HUWE1: variants seen among roughly 807,000 people sequenced by gnomAD.
HUWE1 encodes E3 ubiquitin-protein ligase HUWE1.
A neutral mutation model predicts 299.4 loss-of-function variants in HUWE1; 18 were observed. The ratio of observed to expected loss-of-function variants is 0.06; its 90% CI spans 0.04 to 0.09. The LOEUF (loss-of-function observed/expected upper bound fraction) is 0.09. Ranked by LOEUF, HUWE1 falls within the 10% of genes least tolerant of loss-of-function variation. The pLI, the probability that HUWE1 is intolerant of heterozygous loss-of-function variation, is 1.00. For missense variants in HUWE1, 1,832 were observed against 3,462.3 expected (o/e 0.53, Z 11.82); for synonymous variants, 1,317 against 1,286.1 (o/e 1.02, Z -0.51).
At chrX:53,577,728 T>G (rs868913241) in intron 43 of HUWE1, among the ~76,000 whole-genome samples, 1 of 114,619 alleles carries the variant, frequency 8.7e-6, no homozygotes. Context: ...TTTGCTGTGT[T>G]GGCCGGGCTG....
At chrX:53,585,210 T>C in intron 39 of HUWE1, 22 bp from the exon 40 acceptor site, 1 of 1,190,974 alleles carries the variant, frequency 8.4e-7, no homozygotes, top group Non-Finnish European at 1.1e-6. Flanking sequence ...AGTACAAAGT[T>C]TCTTTGTATT....
intron 7 of HUWE1, among the ~76,000 whole-genome samples, chrX:53,636,921 T>C (rs979500467): frequency 8.9e-6 from 1 of 112,429 alleles, no homozygotes; most frequent in East Asian, 2.8e-4. Context: ...CATACTGTAA[T>C]GGAATCAATT....
At chrX:53,647,343 G>A (rs781944419) in intron 6 of HUWE1, 25 bp downstream of exon 6, 2 of 1,083,054 alleles carry the variant, frequency 1.8e-6, no homozygotes, top group Non-Finnish European at 2.6e-6. Flanking sequence ...CAAGAACAGG[G>A]TACACAGGCT....
In HUWE1 at chrX:53,535,178, G is replaced by T. The variant is rs782697811; in HGVS notation, c.12649+206C>A. Among the ~76,000 whole-genome samples the T allele has an allele frequency of 1.6e-4, 18 of 111,082 alleles. No homozygotes were observed. In the East Asian group the frequency reaches 4.9e-3, roughly 30 times the overall value. On this transcript the variant is annotated intron_variant, in intron 81 of 83. Coordinates refer to ENST00000262854, the MANE Select transcript of HUWE1 (RefSeq NM_031407.7). Reference sequence around the variant, plus strand: ...TCAAACTCCTCACCTCAACTGATCCGCCCACCTTGGCCTCCCAAAGTGCTG... The same window carrying T: ...TCAAACTCCTCACCTCAACTGATCCTCCCACCTTGGCCTCCCAAAGTGCTG...
At chrX:53,639,031 G>A (rs1157595800) in intron 7 of HUWE1, among the ~76,000 whole-genome samples, 1 of 112,162 alleles carries the variant, frequency 8.9e-6, no homozygotes, top group Non-Finnish European at 1.9e-5. Context: ...TAAAAGCATT[G>A]ACTGAACCAT....
intron 70 of HUWE1, among the ~76,000 whole-genome samples, chrX:53,546,072 G>A (rs868983389): frequency 8.9e-6 from 1 of 112,018 alleles, no homozygotes; most frequent in African/African-American, 3.2e-5. Flanking sequence ...ATGCAGTGTA[G>A]GGACATACTT....
intron 62 of HUWE1, 67 bp downstream of exon 62, chrX:53,552,571 G>A (rs2061810914): frequency 1.7e-6 from 2 of 1,204,320 alleles, no homozygotes; most frequent in African/African-American, 3.5e-5. Context: ...ATTAGTTGAC[G>A]AGTATGAAAT....
intron 7 of HUWE1, among the ~76,000 whole-genome samples, chrX:53,640,284 T>C (rs1327055390): frequency 1.8e-5 from 2 of 111,508 alleles, no homozygotes; most frequent in Admixed American, 9.5e-5. Context: ...CAATTGAGCC[T>C]GGGAAGCGGA....
intron 49 of HUWE1, among the ~76,000 whole-genome samples, chrX:53,565,641 T>C (rs1448495258): frequency 9.1e-6 from 1 of 109,788 alleles, no homozygotes; most frequent in Non-Finnish European, 1.9e-5. Flanking sequence ...TTTTCCTTTT[T>C]TTTTTTTGGA....
intron 49 of HUWE1, among the ~76,000 whole-genome samples, chrX:53,566,789 AC>A (rs2062598113): frequency 9.0e-6 from 1 of 111,507 alleles, no homozygotes; most frequent in African/African-American, 3.3e-5. Flanking sequence ...GGCAAATATC[AC>A]CCATGTAGTA....
rs782482853 is a variant in HUWE1 at position 53,661,367 on chromosome X, A to T, written c.-24-7236T>A. Among the ~76,000 whole-genome samples, 78 of 111,770 alleles carry T rather than the reference A, an allele frequency of 7.0e-4. No homozygotes were observed. The South Asian group carries it at 0.027, about 39-fold the overall frequency. On this transcript the variant is annotated intron_variant, in intron 3 of 83. Coordinates refer to ENST00000262854, the MANE Select transcript of HUWE1 (RefSeq NM_031407.7). ...TTTTAAAACCAGTTTTATTACTACA[A>T]AATATTGGCAGATAAGAATAAAAAT...
At position 53,554,674 on chromosome X, in the gene HUWE1, G is replaced by A; in HGVS notation, c.8453C>T (p.Ala2818Val). 1 of 1,211,077 alleles carries A rather than the reference G, an allele frequency of 8.3e-7. No homozygotes were observed. Residue 2818 changes from alanine (A) to valine (V), a missense_variant, in exon 61 of 84, where the codon GCA becomes GTA. By Grantham distance (64) the Ala-to-Val change is moderately conservative. Transcript: ENST00000262854. ...ELGPTRPSGEAETTQMELSPA... is the reference protein window; with the variant it reads ...ELGPTRPSGEVETTQMELSPA... ...GGATAACTCCATCTGAGTTGTTTCT[G>A]CTTCCCCACTTGGCCTTGTGGGACC...
At chrX:53,557,127 G>A (rs1217782625) in intron 60 of HUWE1, 1 of 482,031 alleles carries the variant, frequency 2.1e-6, no homozygotes, top group Non-Finnish European at 3.8e-6. Context: ...ACCCATGCCA[G>A]AACAAAGTAG....
intron 48 of HUWE1, 150 bp from the exon 49 acceptor site, chrX:53,569,024 A>T: frequency 2.1e-6 from 1 of 486,776 alleles, no homozygotes; most frequent in Non-Finnish European, 3.6e-6. Flanking sequence ...CACACTCCCT[A>T]AGGTGATAGC....
chrX:53,623,448 TG>T (rs782065475), intron 19 of HUWE1, among the ~76,000 whole-genome samples: 26 of 112,143 alleles, frequency 2.3e-4, no homozygotes, highest in Non-Finnish European at 4.5e-4. Context: ...TTCCATAGCA[TG>T]GTAGAGTTGC....
chrX:53,537,769 A>G (rs2061129996), intron 77 of HUWE1, 73 bp from the exon 78 acceptor site: 3 of 1,026,495 alleles, frequency 2.9e-6, no homozygotes, highest in East Asian at 6.3e-5. Context: ...ATTAGGAAGA[A>G]GACCCACAAT....
intron 4 of HUWE1, among the ~76,000 whole-genome samples, chrX:53,653,285 CAGATA>C (rs2068578432): frequency 8.9e-6 from 1 of 112,178 alleles, no homozygotes; most frequent in Non-Finnish European, 1.9e-5. Context: ...ACTTATGTGC[CAGATA>C]CTATGCTAAG....
At chrX:53,657,295 C>T (rs2068792213) in intron 3 of HUWE1, among the ~76,000 whole-genome samples, 1 of 112,087 alleles carries the variant, frequency 8.9e-6, no homozygotes, top group Non-Finnish European at 1.9e-5. Context: ...CAAAAAAGGC[C>T]AGGCGCAGTG....
Position 53,589,544 on chromosome X carries a change from C to T in HUWE1, c.4461+3G>A, listed in dbSNP as rs2064043801. ...CCCCTCTTCTGACCCCTTGAGAGCT[C>T]ACCTGATTGACTACTTGCTTCAGAA... is the stretch of plus-strand genomic sequence containing the variant. On this transcript the variant is annotated splice_donor_region_variant and intron_variant, in intron 36 of 83. Coordinates refer to ENST00000262854, the MANE Select transcript of HUWE1 (RefSeq NM_031407.7). 1 of 1,210,749 alleles carries T rather than the reference C, an allele frequency of 8.3e-7. No individual in the cohort carries two copies. The highest frequency in any genetic ancestry group is 1.7e-5 in the African/African-American group (1 of 57,794).
Sources: allele counts gnomAD v4.1 joint callset (sites outside exome capture counted in the v4.1 genomes callset), GRCh38; gene constraint gnomAD v4.1.1; transcripts MANE v1.5; gene names NCBI Gene and HGNC (gene_info 2026-07-23, HGNC 2026-07-21).